Variants in MPPED2 observed in about 807,000 individuals in gnomAD.
MPPED2 encodes the protein metallophosphoesterase domain containing 2.
A neutral mutation model predicts 33.0 loss-of-function variants in MPPED2; 5 were observed. The ratio of observed to expected loss-of-function variants is 0.15; its 90% CI spans 0.08 to 0.32. The LOEUF (loss-of-function observed/expected upper bound fraction) is 0.32, where lower values mean the gene tolerates loss of function less well. Among genes scored for constraint, MPPED2 ranks in the 10% least tolerant of loss-of-function variants. The probability of loss-of-function intolerance (pLI) is 1.00; values close to 1 mark genes in which losing one functional copy is unlikely to be tolerated. For synonymous variants in MPPED2, 136 were observed against 141.9 expected, an observed-to-expected ratio of 0.96 and a Z score of 0.29; for missense variants, 275 against 372.1, an observed-to-expected ratio of 0.74 and a Z score of 2.15.
At chr11:30,519,353 C>CAT (rs541010041) in intron 3 of MPPED2, among the ~76,000 whole-genome samples, 125 of 151,382 alleles carry the variant, frequency 8.3e-4, no homozygotes, top group African/African-American at 2.8e-3. Flanking sequence ...TATGTATGTG[C>CAT]ATATATATAT....
At chr11:30,432,247 G>T (rs556526180) in intron 4 of MPPED2, among the ~76,000 whole-genome samples, 61 of 151,670 alleles carry the variant, frequency 4.0e-4, no homozygotes, top group African/African-American at 1.3e-3. Context: ...CAATTGCTTT[G>T]TTGTGTCTTA....
At chr11:30,543,702 G>C (rs1448629894) in intron 2 of MPPED2, among the ~76,000 whole-genome samples, 1 of 149,924 alleles carries the variant, frequency 6.7e-6, no homozygotes, top group African/African-American at 2.5e-5. Flanking sequence ...TTCCAACAGA[G>C]AACAAAGAAG....
chr11:30,452,682 G>T (rs949232928), intron 4 of MPPED2, among the ~76,000 whole-genome samples: 3 of 152,178 alleles, frequency 2.0e-5, no homozygotes, highest in Non-Finnish European at 4.4e-5. Context: ...ATTCACTGTT[G>T]TGCATCCAGA....
Position 30,414,284 on chromosome 11 carries a change from T to C in MPPED2, c.710A>G (p.Asn237Ser). 1 of 1,614,050 alleles carries C rather than the reference T, an allele frequency of 6.2e-7. No homozygotes were observed. The highest frequency in any genetic ancestry group is 8.5e-7 in the Non-Finnish European group (1 of 1,179,936). The change falls in exon 6 of 7, where the codon AAC (asparagine) becomes AGC (serine). Residue 237 changes from asparagine to serine, a missense_variant. Asn to Ser is a conservative substitution (Grantham distance 46). Transcript: ENST00000358117. ...LQRVGCVELLNTVQRRVRPKL... is the reference protein window; with the variant it reads ...LQRVGCVELLSTVQRRVRPKL... The stretch of plus-strand genomic sequence containing the variant: ...GGGCCGGACTCGCCTCTGAACCGTG[T>C]TTAACAGCTCCACACAGCCCACTCT...
intron 4 of MPPED2, chr11:30,451,958 C>T (rs1050734072): frequency 4.6e-5 from 45 of 985,272 alleles, no homozygotes; most frequent in Admixed American, 6.2e-5. Flanking sequence ...CCAATTAATT[C>T]GGCCTCAAAG....
At chr11:30,469,561 A>G (rs1950860735) in intron 4 of MPPED2, among the ~76,000 whole-genome samples, 1 of 152,174 alleles carries the variant, frequency 6.6e-6, no homozygotes, top group South Asian at 2.1e-4. Flanking sequence ...TTCTCCTATT[A>G]AGTACATTAC....
intron 2 of MPPED2, among the ~76,000 whole-genome samples, chr11:30,546,713 C>A (rs1314755111): frequency 6.6e-6 from 1 of 152,040 alleles, no homozygotes; most frequent in Non-Finnish European, 1.5e-5. Flanking sequence ...ACCATCAATG[C>A]CTAAGACAAA....
At chr11:30,579,801 G>A (rs1212223905) in intron 2 of MPPED2, among the ~76,000 whole-genome samples, 1 of 150,072 alleles carries the variant, frequency 6.7e-6, no homozygotes, top group Non-Finnish European at 1.5e-5. Flanking sequence ...CCAGCTGAAT[G>A]TAAAGGGCTA....
intron 3 of MPPED2, among the ~76,000 whole-genome samples, chr11:30,502,669 C>G (rs541515569): frequency 1.9e-4 from 29 of 152,132 alleles, no homozygotes; most frequent in Non-Finnish European, 3.2e-4. Flanking sequence ...GTAATAAATT[C>G]AAACACCTAC....
At chr11:30,436,116 T>G (rs1487848357) in intron 4 of MPPED2, among the ~76,000 whole-genome samples, 1 of 150,486 alleles carries the variant, frequency 6.6e-6, no homozygotes, top group African/African-American at 2.4e-5. Flanking sequence ...ATAAGAGAGC[T>G]TAGTATTTTA....
At chr11:30,469,044 T>G (rs1950841214) in intron 4 of MPPED2, 1 of 152,248 alleles carries the variant, frequency 6.6e-6, no homozygotes, top group Admixed American at 6.5e-5. Flanking sequence ...TCCTTACTCA[T>G]GCTATTTTGA....
At chr11:30,480,297 ACCTTTTAAATGCCTTTC>A (rs1173998746) in intron 4 of MPPED2, among the ~76,000 whole-genome samples, 1 of 151,604 alleles carries the variant, frequency 6.6e-6, no homozygotes, top group East Asian at 1.9e-4. Flanking sequence ...AAGAACTAGA[ACCTTTTAAATGCCTTTC>A]CCTTCACATT....
intron 2 of MPPED2, among the ~76,000 whole-genome samples, chr11:30,549,996 TA>T (rs1406139453): frequency 6.6e-6 from 1 of 152,156 alleles, no homozygotes; most frequent in Non-Finnish European, 1.5e-5. Flanking sequence ...ATTGCTTTTT[TA>T]AAATAATAAT....
At chr11:30,479,811 G>A (rs1056374246) in intron 4 of MPPED2, among the ~76,000 whole-genome samples, 3 of 151,990 alleles carry the variant, frequency 2.0e-5, no homozygotes, top group African/African-American at 7.2e-5. Context: ...CCTTATAAAA[G>A]TGCCTTTTTT....
chr11:30,444,026 C>A (rs1410902870), intron 4 of MPPED2, among the ~76,000 whole-genome samples: 3 of 152,092 alleles, frequency 2.0e-5, no homozygotes, highest in Admixed American at 6.6e-5. Context: ...TGCTATCTCA[C>A]AAGAGTTAAA....
At chr11:30,430,387 T>C (rs979463557) in intron 4 of MPPED2, among the ~76,000 whole-genome samples, 1 of 152,246 alleles carries the variant, frequency 6.6e-6, no homozygotes, top group Non-Finnish European at 1.5e-5. Context: ...TTATATTGAA[T>C]ACATGTTTAA....
At chr11:30,511,941 T>C (rs567160878) in intron 3 of MPPED2, among the ~76,000 whole-genome samples, 8 of 152,332 alleles carry the variant, frequency 5.3e-5, no homozygotes, top group Admixed American at 4.6e-4. Flanking sequence ...GTTGTTGTCC[T>C]TGTGGTTATT....
At chr11:30,479,669 C>T (rs1030676387) in intron 4 of MPPED2, among the ~76,000 whole-genome samples, 2 of 152,006 alleles carry the variant, frequency 1.3e-5, no homozygotes, top group African/African-American at 4.8e-5. Flanking sequence ...GATTTTCTTT[C>T]CATTTTTAAA....
At chr11:30,504,709 C>T (rs1952738647) in intron 3 of MPPED2, 4 of 1,160,936 alleles carry the variant, frequency 3.4e-6, no homozygotes, top group Non-Finnish European at 4.6e-6. Flanking sequence ...TTTCACAAGT[C>T]CTGACAGCTC....
Sources: gnomAD v4.1 joint callset for allele counts (sites outside exome capture counted in the v4.1 genomes callset) on GRCh38, gnomAD v4.1.1 for gene constraint, MANE v1.5 for transcripts, NCBI Gene and HGNC (gene_info 2026-07-23, HGNC 2026-07-21) for gene names.